SLC41A2: variants seen among roughly 807,000 people sequenced by gnomAD.
SLC41A2 encodes SLC41A1-like 1.
A neutral mutation model predicts 58.3 loss-of-function variants in SLC41A2; 32 were observed. The observed-to-expected ratio is 0.55, with a 90% CI of 0.41 to 0.74. The LOEUF is 0.74. Ranked by LOEUF, SLC41A2 falls within the 30% of genes least tolerant of loss-of-function variation. The pLI, the probability that SLC41A2 is intolerant of heterozygous loss-of-function variation, is 0.00. For synonymous variants in SLC41A2, 190 were observed against 235.0 expected, an observed-to-expected ratio of 0.81 and a Z score of 1.75; for missense variants, 514 against 680.6, an observed-to-expected ratio of 0.76 and a Z score of 2.72.
chr12:104,823,656 C>G (rs1008920005), intron 10 of SLC41A2, among the ~76,000 whole-genome samples: 8 of 151,990 alleles, frequency 5.3e-5, no homozygotes, highest in African/African-American at 1.9e-4. Context: ...CAAATAAAAG[C>G]TAAAACTAGA....
At chr12:104,930,236 T>C (rs1265016616) in intron 1 of SLC41A2, among the ~76,000 whole-genome samples, 1 of 152,092 alleles carries the variant, frequency 6.6e-6, no homozygotes, top group African/African-American at 2.4e-5. Flanking sequence ...GTTCCCATTT[T>C]TGCCACTTAT....
intron 1 of SLC41A2, among the ~76,000 whole-genome samples, chr12:104,949,218 C>CAAAT (rs571663148): frequency 2.6e-5 from 4 of 151,790 alleles, no homozygotes; most frequent in Admixed American, 1.3e-4. Flanking sequence ...AACTCCGTCT[C>CAAAT]AAATAAATAA....
intron 3 of SLC41A2, among the ~76,000 whole-genome samples, chr12:104,895,571 C>T (rs547262034): frequency 6.6e-6 from 1 of 152,120 alleles, no homozygotes; most frequent in African/African-American, 2.4e-5. Flanking sequence ...ACCTGTCTTA[C>T]AAGAACTAGT....
At chr12:104,815,762 C>T (rs2041372382) in intron 10 of SLC41A2, among the ~76,000 whole-genome samples, 1 of 152,128 alleles carries the variant, frequency 6.6e-6, no homozygotes, top group African/African-American at 2.4e-5. Flanking sequence ...GGAAACCCTA[C>T]TCATTAAAAT....
chr12:104,929,612 C>T (rs2046979376), intron 1 of SLC41A2, among the ~76,000 whole-genome samples: 1 of 152,230 alleles, frequency 6.6e-6, no homozygotes, highest in South Asian at 2.1e-4. Flanking sequence ...GCTGCAAGGT[C>T]ACCCACGACC....
At chr12:104,808,058 T>C (rs1179781271) in intron 10 of SLC41A2, among the ~76,000 whole-genome samples, 1 of 152,202 alleles carries the variant, frequency 6.6e-6, no homozygotes, top group Non-Finnish European at 1.5e-5. Flanking sequence ...TACCCTTTAT[T>C]TCCTTCTCCT....
rs1024722513 is a variant in SLC41A2, at chr12:104,940,331, T to C, written c.-167-11637A>G. Among the ~76,000 whole-genome samples the C allele has an allele frequency of 4.9e-4, 7 of 14,256 alleles. No individual in the cohort carries two copies. In the African/African-American group the frequency reaches 6.3e-3, roughly 13 times the overall value. 9.4% of individuals were successfully genotyped at this position (14,256 alleles called of 152,430 possible). On this transcript the variant is annotated intron_variant, in intron 1 of 10. Transcript: ENST00000258538. Reference sequence around the variant, plus strand: ...CCAGCCTTATTATTTTTATTTTTATTTTTTTTAAAAAGGCTCACCTGGGGG... The same window carrying C: ...CCAGCCTTATTATTTTTATTTTTATCTTTTTTAAAAAGGCTCACCTGGGGG...
At chr12:104,946,944 A>T (rs902171577) in intron 1 of SLC41A2, among the ~76,000 whole-genome samples, 3 of 152,186 alleles carry the variant, frequency 2.0e-5, no homozygotes, top group African/African-American at 7.2e-5. Flanking sequence ...CAGTTTTCTC[A>T]TGTAAATACA....
At chr12:104,871,034 T>C (rs2135547191) in intron 6 of SLC41A2, among the ~76,000 whole-genome samples, 1 of 152,296 alleles carries the variant, frequency 6.6e-6, no homozygotes, top group South Asian at 2.1e-4. Context: ...TATTCTAGAA[T>C]GGTCTGTAAA....
At chr12:104,936,495 C>T (rs115539757) in intron 1 of SLC41A2, among the ~76,000 whole-genome samples, 1,894 of 152,276 alleles carry the variant, frequency 0.012, 50 homozygotes, top group African/African-American at 0.044. Flanking sequence ...ACTCATGTGG[C>T]TGGGGAGGCC....
At chr12:104,890,541 G>T (rs1298694988) in intron 4 of SLC41A2, among the ~76,000 whole-genome samples, 1 of 152,136 alleles carries the variant, frequency 6.6e-6, no homozygotes, top group African/African-American at 2.4e-5. Flanking sequence ...ATATAAATCT[G>T]TCAATTTCTG....
intron 10 of SLC41A2, among the ~76,000 whole-genome samples, chr12:104,807,057 C>G (rs549515537): frequency 2.0e-5 from 3 of 152,260 alleles, no homozygotes; most frequent in East Asian, 1.9e-4. Flanking sequence ...TGTGCAGAAG[C>G]TCTTTAGTTT....
At chr12:104,876,697 T>C (rs527549649) in intron 6 of SLC41A2, among the ~76,000 whole-genome samples, 5 of 152,332 alleles carry the variant, frequency 3.3e-5, no homozygotes, top group African/African-American at 9.6e-5. Context: ...TGTGGCCTAA[T>C]ATATGATCTA....
At chr12:104,905,749 G>C (rs899222588) in intron 3 of SLC41A2, among the ~76,000 whole-genome samples, 3 of 152,268 alleles carry the variant, frequency 2.0e-5, no homozygotes, top group African/African-American at 7.2e-5. Context: ...CGCAGCCACT[G>C]GCCCGGGTGC....
chr12:104,899,140 T>C lies in SLC41A2; in HGVS notation c.664-3795A>G, dbSNP rs570647221. On this transcript the variant is annotated intron_variant, in intron 3 of 10. Coordinates refer to ENST00000258538, the MANE Select transcript of SLC41A2 (RefSeq NM_001352171.3). ...AATTCTTTTTTTTTATAGTTACTAG[T>C]TCTCTTTTAAGGCTCCCTATCTGAT... Among the ~76,000 whole-genome samples the C allele has an allele frequency of 3.3e-5, 5 of 152,336 alleles. No individual in the cohort carries two copies. The East Asian group carries it at 9.6e-4, about 29-fold the overall frequency.
chr12:104,933,719 C>T (rs2047157123), intron 1 of SLC41A2, among the ~76,000 whole-genome samples: 1 of 151,436 alleles, frequency 6.6e-6, no homozygotes, highest in South Asian at 2.1e-4. Flanking sequence ...ATATATACAC[C>T]ATGAAATACT....
At chr12:104,866,378 ACG>A (rs2135526341) in intron 7 of SLC41A2, 52 bp downstream of exon 7, 1 of 1,422,718 alleles carries the variant, frequency 7.0e-7, no homozygotes, top group African/African-American at 2.0e-5. Flanking sequence ...AGACAGACAG[ACG>A]TACACACACA....
At chr12:104,900,436 C>A (rs2045503030) in intron 3 of SLC41A2, among the ~76,000 whole-genome samples, 1 of 152,058 alleles carries the variant, frequency 6.6e-6, no homozygotes, top group Admixed American at 6.5e-5. Flanking sequence ...TGTTTGTTTT[C>A]TTGATTATGA....
At position 104,805,066 on chromosome 12, in the gene SLC41A2, A is replaced by T; in HGVS notation, c.*86T>A. On this transcript the variant is annotated 3_prime_UTR_variant, in exon 11 of 11. Coordinates refer to ENST00000258538, the MANE Select transcript of SLC41A2 (RefSeq NM_001352171.3). Reference sequence around the variant, plus strand: ...AGATTACCCTGGCAAAAGTCAAACTACTGATTTAAGAGTTTTGAAAAAGAG... The same window carrying T: ...AGATTACCCTGGCAAAAGTCAAACTTCTGATTTAAGAGTTTTGAAAAAGAG... 8.5e-7 allele frequency: 1 copy of T among 1,177,858 alleles called. No homozygotes were observed. The highest frequency in any genetic ancestry group is 1.2e-6 in the Non-Finnish European group (1 of 857,788). 73.0% of individuals were successfully genotyped at this position (1,177,858 alleles called of 1,614,324 possible).
Sources: allele counts gnomAD v4.1 joint callset (sites outside exome capture counted in the v4.1 genomes callset), GRCh38; gene constraint gnomAD v4.1.1; transcripts MANE v1.5; gene names NCBI Gene and HGNC (gene_info 2026-07-23, HGNC 2026-07-21).